STAU2: variants seen among roughly 807,000 people sequenced by gnomAD.
STAU2 encodes double-stranded RNA-binding protein Staufen homolog 2.
Under a neutral mutation model 65.9 loss-of-function variants are expected in STAU2, and 20 were observed. The observed-to-expected ratio is 0.30, with a 90% CI of 0.21 to 0.44. The LOEUF (loss-of-function observed/expected upper bound fraction) is 0.44, where lower values mean the gene tolerates loss of function less well. Ranked by LOEUF, STAU2 falls within the 20% of genes least tolerant of loss-of-function variation. The pLI, the probability that STAU2 is intolerant of heterozygous loss-of-function variation, is 1.00. For synonymous variants in STAU2, 232 were observed against 233.9 expected (o/e 0.99, Z 0.07); for missense variants, 558 against 683.9 (o/e 0.82, Z 2.05).
intron 5 of STAU2, among the ~76,000 whole-genome samples, chr8:73,680,084 A>T (rs528256667): frequency 8.0e-6 from 1 of 124,406 alleles, no homozygotes; most frequent in Non-Finnish European, 1.6e-5. Context: ...CTTCTAGCTG[A>T]ACGCTGTCAT....
At chr8:73,497,260 A>G (rs189741526) in intron 13 of STAU2, among the ~76,000 whole-genome samples, 1 of 151,842 alleles carries the variant, frequency 6.6e-6, no homozygotes, top group East Asian at 1.9e-4. Context: ...CTCTAATCTG[A>G]AGCTTTAGAT....
intron 12 of STAU2, among the ~76,000 whole-genome samples, chr8:73,577,225 G>A (rs939753007): frequency 1.3e-5 from 2 of 151,934 alleles, no homozygotes; most frequent in East Asian, 3.9e-4. Context: ...TCAGGAGATC[G>A]AGACCATCCT....
Position 73,421,170 on chromosome 8 carries a change from T to C in STAU2, c.*202A>G, listed in dbSNP as rs1389623657. ...AAATGAGTTATGATCTGATCTCGAG[T>C]TCCAAGGGAAATGCTCAAAGTTTTA... On this transcript the variant is annotated 3_prime_UTR_variant, in exon 15 of 15. Transcript: ENST00000524300. 3 of 525,614 alleles carry C rather than the reference T, an allele frequency of 5.7e-6. No homozygotes were observed. The highest frequency in any genetic ancestry group is 1.0e-5 in the Non-Finnish European group (3 of 300,792). The allele number at this position is 525,614 out of a possible 1,614,324, so 32.6% of individuals were successfully genotyped here. A position where few individuals can be genotyped will look rare whatever the true frequency, so the allele number is the denominator to read the frequency against.
intron 14 of STAU2, 121 bp from the exon 15 acceptor site, chr8:73,421,586 A>G (rs1816379631): frequency 2.3e-6 from 2 of 861,530 alleles, no homozygotes; most frequent in Non-Finnish European, 3.6e-6. Flanking sequence ...TTAAAGTGAA[A>G]CAACAATATT....
At chr8:73,512,332 A>G (rs972278845) in intron 13 of STAU2, among the ~76,000 whole-genome samples, 1 of 152,202 alleles carries the variant, frequency 6.6e-6, no homozygotes, top group African/African-American at 2.4e-5. Flanking sequence ...CTATAGGTCA[A>G]TTTAAGAGAA....
intron 5 of STAU2, among the ~76,000 whole-genome samples, chr8:73,680,608 AG>A (rs1818363409): frequency 6.6e-6 from 1 of 152,164 alleles, no homozygotes; most frequent in African/African-American, 2.4e-5. Flanking sequence ...GATCCAAACC[AG>A]GAAGAAATAT....
At chr8:73,734,457 TTTAA>T (rs1806288396) in intron 3 of STAU2, among the ~76,000 whole-genome samples, 2 of 152,156 alleles carry the variant, frequency 1.3e-5, no homozygotes. Flanking sequence ...TAGCCTAGTT[TTTAA>T]TTAGTTTTAG....
intron 3 of STAU2, among the ~76,000 whole-genome samples, chr8:73,725,459 C>G (rs899775518): frequency 6.6e-6 from 1 of 152,196 alleles, no homozygotes; most frequent in Non-Finnish European, 1.5e-5. Flanking sequence ...TATAAGCCCT[C>G]AAGGCACTGT....
chr8:73,606,389 TTTA>T (rs1266110912), intron 9 of STAU2, among the ~76,000 whole-genome samples: 12 of 151,298 alleles, frequency 7.9e-5, no homozygotes, highest in South Asian at 4.1e-4. Flanking sequence ...CAATAATAAA[TTTA>T]TTATTATTTG....
rs770344263 is a variant in STAU2, at chr8:73,603,777, A to G, written c.978T>C (p.Tyr326=). Residue 326 remains tyrosine (Y), a synonymous_variant, in exon 10 of 15, where the codon TAT becomes TAC. Coordinates refer to ENST00000524300, the MANE Select transcript of STAU2 (RefSeq NM_001164380.2). ...GCATTCCTCTTTCTGAAAGCAAAAC[A>G]TAATCCGGCTCCTTTTCCTTTTTGG... ...QQAKKEKEPD[Y]VLLSERGMPR... 1.9e-6 allele frequency: 3 copies of G among 1,612,050 alleles called. No individual in the cohort carries two copies. The highest frequency in any genetic ancestry group is 2.2e-5 in the East Asian group (1 of 44,874).
chr8:73,494,629 T>A lies in STAU2; in HGVS notation c.1530+57383A>T, dbSNP rs373560093. On this transcript the variant is annotated intron_variant, in intron 13 of 14. Transcript: ENST00000524300. ...AGATATACAATAAAACTGGTTCTGC[T>A]TGATCAGTTGATTTGGATATTGAAG... Among the ~76,000 whole-genome samples the A allele has an allele frequency of 7.2e-4, 109 of 151,822 alleles. 1 individual carries two copies. The South Asian group carries it at 0.022, about 30-fold the overall frequency.
At chr8:73,561,744 C>T (rs1174792558) in intron 12 of STAU2, among the ~76,000 whole-genome samples, 2 of 152,124 alleles carry the variant, frequency 1.3e-5, no homozygotes, top group Non-Finnish European at 2.9e-5. Context: ...TAGTACAATA[C>T]AATAACAATA....
intron 13 of STAU2, among the ~76,000 whole-genome samples, chr8:73,532,389 GA>G (rs1477387690): frequency 2.6e-5 from 4 of 152,290 alleles, no homozygotes; most frequent in Admixed American, 1.3e-4. Flanking sequence ...GGGTCTAAGA[GA>G]TTAAATGAGA....
intron 13 of STAU2, among the ~76,000 whole-genome samples, chr8:73,535,405 G>A (rs1304652425): frequency 5.3e-5 from 8 of 152,084 alleles, no homozygotes; most frequent in Admixed American, 2.0e-4. Flanking sequence ...TCCTGACCTC[G>A]TGATCCGCCC....
intron 4 of STAU2, among the ~76,000 whole-genome samples, chr8:73,706,369 G>A (rs961499817): frequency 4.6e-5 from 7 of 151,984 alleles, no homozygotes; most frequent in African/African-American, 1.4e-4. Flanking sequence ...CTCCCGCCTC[G>A]GCCTCCTGAA....
chr8:73,467,496 C>T (rs963541201), intron 13 of STAU2, among the ~76,000 whole-genome samples: 41 of 152,266 alleles, frequency 2.7e-4, no homozygotes, highest in Non-Finnish European at 3.8e-4. Context: ...CGCGCCACTG[C>T]ACTCCAGCCT....
chr8:73,493,666 G>A lies in STAU2; in HGVS notation c.1530+58346C>T, dbSNP rs538518092. On this transcript the variant is annotated intron_variant, in intron 13 of 14. Transcript: ENST00000524300. ...TATGTAGCAACTGGAAGTTTCATACGACGTTGGTGGGAGTGTCAAATGGTG... is the reference window on the plus strand; with the variant it reads ...TATGTAGCAACTGGAAGTTTCATACAACGTTGGTGGGAGTGTCAAATGGTG... Among the ~76,000 whole-genome samples the A allele has an allele frequency of 2.6e-5, 4 of 151,808 alleles. No homozygotes were observed. In the South Asian group the frequency reaches 8.3e-4, roughly 32 times the overall value.
chr8:73,502,960 C>A (rs1821848129), intron 13 of STAU2, among the ~76,000 whole-genome samples: 1 of 152,024 alleles, frequency 6.6e-6, no homozygotes, highest in South Asian at 2.1e-4. Flanking sequence ...CTTATTTGAG[C>A]AATCATTGTA....
chr8:73,654,432 G>C (rs1056301303), intron 6 of STAU2, among the ~76,000 whole-genome samples: 2 of 151,676 alleles, frequency 1.3e-5, no homozygotes, highest in Non-Finnish European at 2.9e-5. Context: ...CGGGAGGATT[G>C]TTTGAGCCCA....
Sources: allele counts gnomAD v4.1 joint callset (sites outside exome capture counted in the v4.1 genomes callset), GRCh38; gene constraint gnomAD v4.1.1; transcripts MANE v1.5; gene names NCBI Gene and HGNC (gene_info 2026-07-23, HGNC 2026-07-21).